The following XYLT1 variants were observed in gnomAD, a reference collection of about 807,000 sequenced individuals.
XYLT1 encodes beta-D-xylosyltransferase 1.
XYLT1 carries 36 observed loss-of-function variants against 91.3 expected under a neutral mutation model. That is an observed-to-expected ratio of 0.39 (90% CI 0.30 to 0.52). The LOEUF is 0.52. Among genes scored for constraint, XYLT1 ranks in the 20% least tolerant of loss-of-function variants. The pLI is 0.68. For missense variants in XYLT1, 1,242 were observed against 1,284.5 expected (o/e 0.97, Z 0.51); for synonymous variants, 588 against 532.0 (o/e 1.11, Z -1.45).
chr16:17,146,099 T>C (rs1323554369), intron 6 of XYLT1, among the ~76,000 whole-genome samples: 1 of 151,714 alleles, frequency 6.6e-6, no homozygotes, highest in African/African-American at 2.4e-5. Flanking sequence ...CCAGAAAGAA[T>C]TCCCTCTCAC....
intron 1 of XYLT1, among the ~76,000 whole-genome samples, chr16:17,382,130 T>C (rs1378895553): frequency 2.0e-5 from 3 of 151,982 alleles, no homozygotes; most frequent in South Asian, 2.1e-4. Context: ...CTCTCTTGGC[T>C]AGATTCACAG....
intron 2 of XYLT1, among the ~76,000 whole-genome samples, chr16:17,337,849 C>T (rs1251867988): frequency 2.0e-5 from 3 of 146,776 alleles, no homozygotes; most frequent in African/African-American, 5.1e-5. Context: ...GACGCCATCT[C>T]GGCTCACTCC....
At chr16:17,157,205 C>T (rs2141539062) in intron 6 of XYLT1, among the ~76,000 whole-genome samples, 1 of 152,256 alleles carries the variant, frequency 6.6e-6, no homozygotes, top group South Asian at 2.1e-4. Context: ...GCCTCACCCT[C>T]CCAAAGTTCT....
At chr16:17,366,934 G>A (rs2035462709) in intron 1 of XYLT1, among the ~76,000 whole-genome samples, 1 of 152,036 alleles carries the variant, frequency 6.6e-6, no homozygotes, top group Non-Finnish European at 1.5e-5. Flanking sequence ...CACAGTTCCT[G>A]GTTCTATCAG....
chr16:17,205,468 C>T (rs1050548995), intron 3 of XYLT1, among the ~76,000 whole-genome samples: 5 of 152,236 alleles, frequency 3.3e-5, no homozygotes, highest in African/African-American at 1.2e-4. Context: ...TTTATGCAAT[C>T]TCTCCAAGCC....
chr16:17,468,483 A>C (rs547621997), intron 1 of XYLT1, among the ~76,000 whole-genome samples: 78 of 152,326 alleles, frequency 5.1e-4, no homozygotes, highest in Non-Finnish European at 9.6e-4. Flanking sequence ...TCAGAAAAGC[A>C]AAGCACCTCC....
chr16:17,449,457 CCT>C (rs2036637354), intron 1 of XYLT1, among the ~76,000 whole-genome samples: 1 of 152,368 alleles, frequency 6.6e-6, no homozygotes, highest in Non-Finnish European at 1.5e-5. Context: ...GGGCGCCTCC[CCT>C]GTCTGGCTGG....
At chr16:17,321,992 T>A (rs2034731356) in intron 2 of XYLT1, among the ~76,000 whole-genome samples, 1 of 152,066 alleles carries the variant, frequency 6.6e-6, no homozygotes. Flanking sequence ...TCACTGAGTT[T>A]CAACACCAAA....
chr16:17,339,502 C>G (rs921777266), intron 2 of XYLT1, among the ~76,000 whole-genome samples: 2 of 152,180 alleles, frequency 1.3e-5, no homozygotes, highest in Non-Finnish European at 1.5e-5. Context: ...AATAAAGAAG[C>G]AAATGTATTA....
intron 1 of XYLT1, among the ~76,000 whole-genome samples, chr16:17,380,790 TA>T (rs144454705): frequency 0.012 from 1,856 of 152,238 alleles, 44 homozygotes; most frequent in African/African-American, 0.042. Flanking sequence ...CCAAATGCAA[TA>T]CACACATACC....
intron 1 of XYLT1, among the ~76,000 whole-genome samples, chr16:17,411,640 G>C (rs758356525): frequency 6.6e-6 from 1 of 152,132 alleles, no homozygotes; most frequent in Non-Finnish European, 1.5e-5. Context: ...CTGAGTTTGG[G>C]GGTCACTGAT....
At chr16:17,218,045 G>A (rs963484805) in intron 3 of XYLT1, among the ~76,000 whole-genome samples, 2 of 152,102 alleles carry the variant, frequency 1.3e-5, no homozygotes, top group South Asian at 2.1e-4. Flanking sequence ...GGATCACAAG[G>A]TCAGGTGTTC....
At chr16:17,459,249 G>C (rs1263349644) in intron 1 of XYLT1, among the ~76,000 whole-genome samples, 2 of 152,158 alleles carry the variant, frequency 1.3e-5, no homozygotes, top group African/African-American at 2.4e-5. Flanking sequence ...GCACGCACCT[G>C]TAGTCCCACC....
At chr16:17,434,901 G>T (rs1190201055) in intron 1 of XYLT1, among the ~76,000 whole-genome samples, 1 of 152,008 alleles carries the variant, frequency 6.6e-6, no homozygotes, top group Admixed American at 6.6e-5. Context: ...GAAGAAGAAT[G>T]GAATTAGCAA....
At chr16:17,196,756 G>A (rs2032433650) in intron 5 of XYLT1, among the ~76,000 whole-genome samples, 1 of 151,992 alleles carries the variant, frequency 6.6e-6, no homozygotes, top group Non-Finnish European at 1.5e-5. Context: ...CACAGTCAAA[G>A]GAAAAAGCTG....
At chr16:17,195,275 T>A (rs2032400880) in intron 5 of XYLT1, among the ~76,000 whole-genome samples, 2 of 152,122 alleles carry the variant, frequency 1.3e-5, no homozygotes, top group Admixed American at 6.5e-5. Context: ...GTGCCACTGC[T>A]AGGAATCCCA....
At chr16:17,357,182 A>AC (rs1443211180) in intron 2 of XYLT1, among the ~76,000 whole-genome samples, 7 of 135,060 alleles carry the variant, frequency 5.2e-5, no homozygotes, top group African/African-American at 1.4e-4. Flanking sequence ...CAAAAAAAAA[A>AC]AAAAAAAAAA....
Position 17,328,707 on chromosome 16 carries a change from C to T in XYLT1, c.402+29305G>A, listed in dbSNP as rs371550324. On this transcript the variant is annotated intron_variant, in intron 2 of 11. Coordinates refer to ENST00000261381, the MANE Select transcript of XYLT1 (RefSeq NM_022166.4). The stretch of plus-strand genomic sequence containing the variant: ...GAAGAGCTACAGCATTTTTGATGCC[C>T]GTGCGCAACCATCAGTGCTTTTAGC... Among the ~76,000 whole-genome samples the T allele has an allele frequency of 4.3e-4, 65 of 152,138 alleles. No individual in the cohort carries two copies. The South Asian group carries it at 6.6e-3, about 16-fold the overall frequency.
chr16:17,363,521 CTATG>C (rs1238684882), intron 1 of XYLT1, among the ~76,000 whole-genome samples: 1 of 152,142 alleles, frequency 6.6e-6, no homozygotes, highest in Non-Finnish European at 1.5e-5. Flanking sequence ...TCCCGGGTAT[CTATG>C]TGTCAAAATT....
Sources: gnomAD v4.1 joint callset for allele counts (sites outside exome capture counted in the v4.1 genomes callset) on GRCh38, gnomAD v4.1.1 for gene constraint, MANE v1.5 for transcripts, NCBI Gene and HGNC (gene_info 2026-07-23, HGNC 2026-07-21) for gene names.